Variants in SRL observed in about 807,000 individuals in gnomAD.
The protein encoded by SRL is sarcalumenin.
In SRL, 23 loss-of-function variants were observed where a neutral mutation model predicts 39.5. That is an observed-to-expected ratio of 0.58 (90% CI 0.42 to 0.82). The LOEUF is 0.82. SRL is among the 40% of genes least tolerant of loss of function. The probability of loss-of-function intolerance (pLI) is 0.00; values close to 1 mark genes in which losing one functional copy is unlikely to be tolerated. For missense variants in SRL, 592 were observed against 607.8 expected (o/e 0.97, Z 0.27); for synonymous variants, 272 against 237.4 (o/e 1.15, Z -1.34).
intron 1 of SRL, among the ~76,000 whole-genome samples, chr16:4,227,880 G>A (rs111640403): frequency 1.3e-5 from 2 of 152,340 alleles, no homozygotes; most frequent in African/African-American, 4.8e-5. Context: ...CTTATTGGAG[G>A]GAAAGGCAAG....
intron 1 of SRL, among the ~76,000 whole-genome samples, chr16:4,232,408 C>G (rs2141068318): frequency 6.6e-6 from 1 of 152,322 alleles, no homozygotes; most frequent in Admixed American, 6.5e-5. Flanking sequence ...CACAGGGACA[C>G]AGGTGGTCAC....
chr16:4,199,473 C>T (rs971184518), intron 3 of SRL, among the ~76,000 whole-genome samples: 2 of 146,284 alleles, frequency 1.4e-5, no homozygotes, highest in African/African-American at 2.5e-5. Flanking sequence ...CAGGCTCAAG[C>T]GATCCTCCCA....
In SRL at chr16:4,214,426, C is replaced by T. The variant is rs151098693; in HGVS notation, c.62-9792G>A. On this transcript the variant is annotated intron_variant, in intron 1 of 5. Transcript: ENST00000399609. ...CAGTCATTAGTAACAGAATCCCCAG[C>T]GGGGGCAGGAATCACTCTCCAAATC... Among the ~76,000 whole-genome samples the T allele has an allele frequency of 6.9e-4, 105 of 152,298 alleles. No individual in the cohort carries two copies. The East Asian group carries it at 0.015, about 22-fold the overall frequency.
At chr16:4,208,220 A>T in intron 1 of SRL, 3 of 361,002 alleles carry the variant, frequency 8.3e-6, no homozygotes, top group Non-Finnish European at 1.1e-5. Flanking sequence ...CCTGGTGTGC[A>T]GTGTTACGCC....
intron 1 of SRL, chr16:4,207,482 G>T: frequency 4.4e-6 from 2 of 456,768 alleles, no homozygotes; most frequent in Non-Finnish European, 8.8e-6. Flanking sequence ...GCCCAGGGCT[G>T]CCCTCGGCCT....
intron 3 of SRL, among the ~76,000 whole-genome samples, chr16:4,202,641 T>C (rs969227063): frequency 6.7e-6 from 1 of 149,074 alleles, no homozygotes; most frequent in African/African-American, 2.5e-5. Flanking sequence ...TTTTTCAACG[T>C]ATACCATTCT....
chr16:4,215,555 G>T (rs2052448751), intron 1 of SRL, among the ~76,000 whole-genome samples: 1 of 152,174 alleles, frequency 6.6e-6, no homozygotes, highest in Non-Finnish European at 1.5e-5. Context: ...GCTAGTTAAG[G>T]TAGTAGGCAG....
chr16:4,190,146 C>T lies in SRL; in HGVS notation c.*2007G>A, dbSNP rs2052043951. ...GGGTGTTCTTGTGGAAGGGTCCAGG[C>T]CCTCCACAAAGCCAAACGCAACGGC... is the stretch of plus-strand genomic sequence containing the variant. On this transcript the variant is annotated 3_prime_UTR_variant, in exon 6 of 6. Coordinates refer to ENST00000399609, the MANE Select transcript of SRL (RefSeq NM_001098814.2). The T allele has an allele frequency of 2.5e-6, 1 of 397,542 alleles. No homozygotes were observed. Among genetic ancestry groups the T allele is most frequent in the Non-Finnish European group, 4.4e-6 (1 of 225,990 alleles). The allele number at this position is 397,542 out of a possible 1,614,324, so 24.6% of individuals were successfully genotyped here.
chr16:4,223,457 A>G (rs1407643057), intron 1 of SRL, among the ~76,000 whole-genome samples: 1 of 151,936 alleles, frequency 6.6e-6, no homozygotes, highest in African/African-American at 2.4e-5. Context: ...GGCTCACTGC[A>G]GCCTCAAACT....
At chr16:4,212,588 T>A (rs2052407512) in intron 1 of SRL, among the ~76,000 whole-genome samples, 1 of 152,196 alleles carries the variant, frequency 6.6e-6, no homozygotes, top group Non-Finnish European at 1.5e-5. Flanking sequence ...TCTTGGTCTA[T>A]CCTGGGACAT....
At position 4,204,524 on chromosome 16, in the gene SRL, C is replaced by G; in HGVS notation, c.163+9G>C. ...CCCAGCCCTGGGCATATCTCCCTCC[C>G]CTGGTTACCAGAGTAGTCATCGGAT... On this transcript the variant is annotated intron_variant, in intron 2 of 5. Transcript: ENST00000399609. 1 of 1,514,016 alleles carries G rather than the reference C, an allele frequency of 6.6e-7. No individual in the cohort carries two copies. The highest frequency in any genetic ancestry group is 8.9e-7 in the Non-Finnish European group (1 of 1,122,176). 93.8% of individuals were successfully genotyped at this position (1,514,016 alleles called of 1,614,324 possible). A position where few individuals can be genotyped will look rare whatever the true frequency, so the allele number is the denominator to read the frequency against.
chr16:4,231,684 A>T (rs2052661423), intron 1 of SRL, among the ~76,000 whole-genome samples: 1 of 152,136 alleles, frequency 6.6e-6, no homozygotes. Flanking sequence ...AAGCTCTTTG[A>T]GGACAGAGAA....
intron 3 of SRL, 152 bp downstream of exon 3, chr16:4,203,014 A>T: frequency 1.5e-6 from 1 of 685,924 alleles, no homozygotes; most frequent in Non-Finnish European, 2.5e-6. Context: ...GGGAGCCCAG[A>T]CCCAGACCCA....
At chr16:4,227,853 C>G (rs568820057) in intron 1 of SRL, among the ~76,000 whole-genome samples, 1 of 152,288 alleles carries the variant, frequency 6.6e-6, no homozygotes, top group East Asian at 1.9e-4. Flanking sequence ...AGGGCCTCCT[C>G]TTAAAGACCT....
intron 1 of SRL, among the ~76,000 whole-genome samples, chr16:4,211,229 T>C (rs1386370085): frequency 6.6e-6 from 1 of 151,658 alleles, no homozygotes; most frequent in Non-Finnish European, 1.5e-5. Context: ...AATCAAATAA[T>C]CTTGACCCCC....
Position 4,192,837 on chromosome 16 carries a change from A to C in SRL, c.738T>G (p.Arg246=). 1 of 1,614,154 alleles carries C rather than the reference A, an allele frequency of 6.2e-7. No homozygotes were observed. The highest frequency in any genetic ancestry group is 8.5e-7 in the Non-Finnish European group (1 of 1,180,032). Residue 246 remains arginine (R), a synonymous_variant, in exon 6 of 6, where the codon CGT becomes CGG. Transcript: ENST00000399609. The surrounding 1 kb of genome is among the most constrained non-coding windows in gnomAD (Gnocchi z 4.0). ...LEMLFRQLKG[R]ESQIRIILNK... Reference sequence around the variant, plus strand: ...TCAGGATGATCCTTATCTGGGATTCACGCCCCTTCAACTGGCGGAAGAGCA... The same window carrying C: ...TCAGGATGATCCTTATCTGGGATTCCCGCCCCTTCAACTGGCGGAAGAGCA...
intron 1 of SRL, among the ~76,000 whole-genome samples, chr16:4,240,827 C>T (rs1023058903): frequency 6.6e-6 from 1 of 152,176 alleles, no homozygotes; most frequent in African/African-American, 2.4e-5. Context: ...TGTTTCCATA[C>T]TTAGCCGCCT....
chr16:4,226,807 G>A (rs1486186775), intron 1 of SRL, among the ~76,000 whole-genome samples: 1 of 151,296 alleles, frequency 6.6e-6, no homozygotes, highest in Admixed American at 6.6e-5. Context: ...CTGAATGGAT[G>A]GATGGATGGA....
In SRL at chr16:4,189,864, C is replaced by A. The variant is rs898300333; in HGVS notation, c.*2289G>T. Reference sequence around the variant, plus strand: ...CCCCTGACTACACAGAAAAACAGATCTGCCAAAGCAGCTCACAGCATGGAG... The same window carrying A: ...CCCCTGACTACACAGAAAAACAGATATGCCAAAGCAGCTCACAGCATGGAG... On this transcript the variant is annotated 3_prime_UTR_variant, in exon 6 of 6. Coordinates refer to ENST00000399609, the MANE Select transcript of SRL (RefSeq NM_001098814.2). 1.8e-5 allele frequency: 3 copies of A among 164,980 alleles called. No homozygotes were observed. The highest frequency in any genetic ancestry group is 7.1e-5 in the African/African-American group (3 of 41,960). The allele number at this position is 164,980 out of a possible 1,614,324, so 10.2% of individuals were successfully genotyped here. A position where few individuals can be genotyped will look rare whatever the true frequency, so the allele number is the denominator to read the frequency against.
Sources: allele counts gnomAD v4.1 joint callset (sites outside exome capture counted in the v4.1 genomes callset), GRCh38; gene constraint gnomAD v4.1.1; non-coding constraint Gnocchi (gnomAD v3.1); transcripts MANE v1.5; gene names NCBI Gene and HGNC (gene_info 2026-07-23, HGNC 2026-07-21).